ZCCHC7: variants seen among roughly 807,000 people sequenced by gnomAD.
ZCCHC7 encodes the protein zinc finger CCHC-type containing 7.
In ZCCHC7, 35 loss-of-function variants were observed where a neutral mutation model predicts 52.0. That is an observed-to-expected ratio of 0.67 (90% CI 0.51 to 0.89). ZCCHC7 has a LOEUF of 0.89. Among genes scored for constraint, ZCCHC7 ranks in the 40% least tolerant of loss-of-function variants. The pLI is 0.00. For synonymous variants in ZCCHC7, 217 were observed against 221.5 expected (o/e 0.98, Z 0.18); for missense variants, 574 against 649.1 (o/e 0.88, Z 1.26).
At chr9:37,213,904 A>G (rs1244730358) in intron 2 of ZCCHC7, among the ~76,000 whole-genome samples, 1 of 152,100 alleles carries the variant, frequency 6.6e-6, no homozygotes, top group Non-Finnish European at 1.5e-5. Context: ...AATCAACAAC[A>G]TTGAAAAGCT....
At chr9:37,209,520 A>G (rs896497695) in intron 2 of ZCCHC7, among the ~76,000 whole-genome samples, 1 of 151,642 alleles carries the variant, frequency 6.6e-6, no homozygotes, top group Non-Finnish European at 1.5e-5. Context: ...ATCTTTGTCT[A>G]CCCTTTTCAT....
chr9:37,218,889 C>T (rs901871126), intron 2 of ZCCHC7, among the ~76,000 whole-genome samples: 5 of 150,966 alleles, frequency 3.3e-5, no homozygotes, highest in African/African-American at 9.8e-5. Context: ...GTCTAGTGGG[C>T]AGCTCTGTAA....
At chr9:37,198,027 G>C (rs2133139727) in intron 2 of ZCCHC7, among the ~76,000 whole-genome samples, 1 of 152,252 alleles carries the variant, frequency 6.6e-6, no homozygotes, top group Middle Eastern at 3.4e-3. Flanking sequence ...TAATTAAATG[G>C]GAAACTGTAG....
intron 2 of ZCCHC7, among the ~76,000 whole-genome samples, chr9:37,162,205 A>G (rs1821144317): frequency 6.6e-6 from 1 of 152,064 alleles, no homozygotes; most frequent in Admixed American, 6.6e-5. Flanking sequence ...CATATAATAC[A>G]TAGAATTATA....
intron 2 of ZCCHC7, among the ~76,000 whole-genome samples, chr9:37,132,056 C>A (rs62535702): frequency 0.013 from 1,979 of 152,120 alleles, 23 homozygotes; most frequent in Non-Finnish European, 0.019. Context: ...CATGTTCTAT[C>A]GTTTGTTTTC....
chr9:37,171,616 T>C (rs1821733731), intron 2 of ZCCHC7, among the ~76,000 whole-genome samples: 1 of 151,966 alleles, frequency 6.6e-6, no homozygotes. Context: ...GATGGTGTCT[T>C]GTCATCTTGC....
At chr9:37,133,616 T>G (rs1040667721) in intron 2 of ZCCHC7, among the ~76,000 whole-genome samples, 1 of 152,060 alleles carries the variant, frequency 6.6e-6, no homozygotes, top group Admixed American at 6.5e-5. Flanking sequence ...TGAGACGGAG[T>G]CTCGCTGTGT....
chr9:37,128,555 G>A (rs1408730848), intron 2 of ZCCHC7, among the ~76,000 whole-genome samples: 1 of 151,746 alleles, frequency 6.6e-6, no homozygotes, highest in East Asian at 1.9e-4. Flanking sequence ...TTAGAAAGAA[G>A]CTACTACTCT....
chr9:37,216,528 G>A (rs1373744960), intron 2 of ZCCHC7, among the ~76,000 whole-genome samples: 1 of 152,090 alleles, frequency 6.6e-6, no homozygotes, highest in African/African-American at 2.4e-5. Context: ...TACAAAATTA[G>A]CTGGGCATGG....
intron 2 of ZCCHC7, among the ~76,000 whole-genome samples, chr9:37,169,960 G>T (rs1287140230): frequency 6.6e-6 from 1 of 151,924 alleles, no homozygotes; most frequent in Non-Finnish European, 1.5e-5. Context: ...CTACTCAAGA[G>T]GCTGAGGCTG....
chr9:37,301,885 G>A (rs1829045355), intron 2 of ZCCHC7, among the ~76,000 whole-genome samples: 1 of 152,068 alleles, frequency 6.6e-6, no homozygotes, highest in Admixed American at 6.6e-5. Context: ...ATATTTGTAT[G>A]TAGTCTGATG....
chr9:37,189,395 T>A (rs1433511931), intron 2 of ZCCHC7, among the ~76,000 whole-genome samples: 1 of 152,184 alleles, frequency 6.6e-6, no homozygotes, highest in Non-Finnish European at 1.5e-5. Context: ...TGAATTCTTT[T>A]CCCCCGCTGA....
At chr9:37,236,413 T>A (rs1339069661) in intron 2 of ZCCHC7, among the ~76,000 whole-genome samples, 3 of 107,630 alleles carry the variant, frequency 2.8e-5, no homozygotes, top group East Asian at 4.8e-4. Context: ...TGCTATCAGA[T>A]TTTTTTTTTG....
At chr9:37,231,184 G>T (rs919200587) in intron 2 of ZCCHC7, among the ~76,000 whole-genome samples, 16 of 152,106 alleles carry the variant, frequency 1.1e-4, no homozygotes, top group Non-Finnish European at 1.6e-4. Flanking sequence ...GACCTCAAGT[G>T]ATCCACCCGC....
intron 2 of ZCCHC7, among the ~76,000 whole-genome samples, chr9:37,164,014 CCTATA>C (rs547598249): frequency 8.6e-4 from 131 of 151,888 alleles, no homozygotes; most frequent in African/African-American, 3.0e-3. Flanking sequence ...TTTCATGATG[CCTATA>C]CTATACTCTG....
intron 2 of ZCCHC7, among the ~76,000 whole-genome samples, chr9:37,176,642 A>G (rs1189844078): frequency 1.3e-5 from 2 of 152,014 alleles, no homozygotes; most frequent in African/African-American, 4.8e-5. Flanking sequence ...AATTAAATAT[A>G]TACATTTAAT....
chr9:37,304,390 A>G, intron 4 of ZCCHC7, 77 bp downstream of exon 4: 1 of 1,530,904 alleles, frequency 6.5e-7, no homozygotes, highest in Non-Finnish European at 8.9e-7. Flanking sequence ...ACGGTGGCTC[A>G]TGCCTGTAAT....
At chr9:37,249,398 C>G (rs1826212186) in intron 2 of ZCCHC7, among the ~76,000 whole-genome samples, 1 of 150,682 alleles carries the variant, frequency 6.6e-6, no homozygotes, top group Non-Finnish European at 1.5e-5. Flanking sequence ...GCCAGGAAAT[C>G]CAGCAATAAA....
chr9:37,269,558 G>A (rs1313224089), intron 2 of ZCCHC7, among the ~76,000 whole-genome samples: 1 of 135,498 alleles, frequency 7.4e-6, no homozygotes, highest in Non-Finnish European at 1.5e-5. Context: ...GATCGAGACT[G>A]CAGTAAGCCA....
Sources: gnomAD v4.1 joint callset for allele counts (sites outside exome capture counted in the v4.1 genomes callset) on GRCh38, gnomAD v4.1.1 for gene constraint, MANE v1.5 for transcripts, NCBI Gene and HGNC (gene_info 2026-07-23, HGNC 2026-07-21) for gene names.